RANBP2: variants seen among roughly 807,000 people sequenced by gnomAD.
The protein encoded by RANBP2 is RAN binding protein 2, also known as E3 SUMO-protein ligase RanBP2.
A neutral mutation model predicts 303.6 loss-of-function variants in RANBP2; 57 were observed. That is an observed-to-expected ratio of 0.19 (90% CI 0.15 to 0.23). RANBP2 has a LOEUF of 0.23. Ranked by LOEUF, RANBP2 falls within the 10% of genes least tolerant of loss-of-function variation. The pLI is 1.00. For synonymous variants in RANBP2, 1,167 were observed against 1,301.5 expected (o/e 0.90, Z 2.23); for missense variants, 3,138 against 3,780.8 (o/e 0.83, Z 4.46).
At chr2:108,922,041 T>C in the RANBP2 span, among the ~76,000 whole-genome samples, 1 of 152,230 alleles carries the variant, frequency 6.6e-6, no homozygotes, top group East Asian at 1.9e-4. Context: ...CCACATGTGA[T>C]AGACCTCATT....
the RANBP2 span, among the ~76,000 whole-genome samples, chr2:109,099,547 C>T: frequency 6.6e-6 from 1 of 152,078 alleles, no homozygotes; most frequent in African/African-American, 2.4e-5. Context: ...CTGTCCTGGC[C>T]CAGAACTCAG....
chr2:109,215,433 T>TA, the RANBP2 span, among the ~76,000 whole-genome samples: 45,145 of 152,028 alleles, frequency 0.3, 7,656 homozygotes, highest in South Asian at 0.39. Context: ...ATACTCAAGC[T>TA]AGCTGACCCC....
At chr2:108,762,507 A>G (rs1386934861) in intron 19 of RANBP2, among the ~76,000 whole-genome samples, 5 of 81,002 alleles carry the variant, frequency 6.2e-5, no homozygotes, top group Non-Finnish European at 9.7e-5. Context: ...TTCAGGCCTG[A>G]TACAGCTATA....
the RANBP2 span, chr2:108,929,082 C>A: frequency 8.3e-7 from 1 of 1,211,892 alleles, no homozygotes; most frequent in Non-Finnish European, 1.2e-6. Context: ...GCCAGGTGTG[C>A]GGCTGCACCG....
the RANBP2 span, among the ~76,000 whole-genome samples, chr2:109,537,964 T>A: frequency 6.6e-6 from 1 of 150,778 alleles, no homozygotes; most frequent in African/African-American, 2.4e-5. Flanking sequence ...CACACACACA[T>A]ACACACACAC....
chr2:108,731,309 T>A lies in RANBP2; in HGVS notation c.253-13T>A. The A allele has an allele frequency of 6.2e-7, 1 of 1,610,270 alleles. No homozygotes were observed. Among genetic ancestry groups the A allele is most frequent in the Non-Finnish European group, 8.5e-7 (1 of 1,178,966 alleles). On this transcript the variant is annotated splice_polypyrimidine_tract_variant and intron_variant, in intron 3 of 28. Transcript: ENST00000283195. ...ATTTATTTACTAATCTTTAATTTCT[T>A]TTCTGATATTAGCGTTCAGTGGAAT...
chr2:109,066,587 C>A, the RANBP2 span, among the ~76,000 whole-genome samples: 1 of 152,204 alleles, frequency 6.6e-6, no homozygotes, highest in Non-Finnish European at 1.5e-5. Flanking sequence ...GTGTCCGCTG[C>A]CCACAGGTCA....
At chr2:109,261,397 C>G in the RANBP2 span, among the ~76,000 whole-genome samples, 2 of 152,218 alleles carry the variant, frequency 1.3e-5, no homozygotes, top group Non-Finnish European at 2.9e-5. Flanking sequence ...ATTGTAATTA[C>G]AGCAGAGCAG....
chr2:109,610,752 A>G, the RANBP2 span, among the ~76,000 whole-genome samples: 7 of 152,178 alleles, frequency 4.6e-5, no homozygotes, highest in Non-Finnish European at 7.4e-5. Flanking sequence ...AATACTATGT[A>G]CATGAGTTAG....
chr2:109,278,219 T>C, the RANBP2 span, among the ~76,000 whole-genome samples: 1 of 152,046 alleles, frequency 6.6e-6, no homozygotes, highest in Non-Finnish European at 1.5e-5. Context: ...AGGACTATTT[T>C]CTCTGCACTC....
the RANBP2 span, among the ~76,000 whole-genome samples, chr2:109,489,554 C>T: frequency 3.9e-5 from 6 of 152,192 alleles, no homozygotes; most frequent in Admixed American, 2.6e-4. Context: ...CAGACAATGA[C>T]GTTGCCAGGC....
At chr2:109,644,314 A>C in the RANBP2 span, among the ~76,000 whole-genome samples, 3 of 152,186 alleles carry the variant, frequency 2.0e-5, no homozygotes, top group African/African-American at 4.8e-5. Flanking sequence ...TCAAAAAAAA[A>C]ATCAGACTCC....
the RANBP2 span, among the ~76,000 whole-genome samples, chr2:109,149,202 T>C: frequency 6.6e-6 from 1 of 152,116 alleles, no homozygotes; most frequent in Non-Finnish European, 1.5e-5. Flanking sequence ...CTGCTGTCCT[T>C]GGTCCACACC....
At chr2:109,077,652 AATAG>A in the RANBP2 span, among the ~76,000 whole-genome samples, 2 of 150,616 alleles carry the variant, frequency 1.3e-5, 1 homozygote, top group Non-Finnish European at 3.0e-5. Flanking sequence ...AAAGGACTTG[AATAG>A]ATAGTTTTCG....
the RANBP2 span, among the ~76,000 whole-genome samples, chr2:109,711,178 C>T: frequency 6.6e-6 from 1 of 152,192 alleles, no homozygotes; most frequent in East Asian, 1.9e-4. Context: ...ACTTCAGCCG[C>T]CCCGGCAAGT....
the RANBP2 span, among the ~76,000 whole-genome samples, chr2:109,481,456 G>T: frequency 6.6e-6 from 1 of 152,208 alleles, no homozygotes; most frequent in Non-Finnish European, 1.5e-5. Context: ...TATGTTCTCG[G>T]TGACTGGTCA....
At chr2:109,363,635 C>T in the RANBP2 span, among the ~76,000 whole-genome samples, 2 of 152,134 alleles carry the variant, frequency 1.3e-5, no homozygotes, top group East Asian at 3.8e-4. Flanking sequence ...AAAAACAGTT[C>T]TTGCAAGGCA....
chr2:109,230,314 G>A, the RANBP2 span, among the ~76,000 whole-genome samples: 1 of 152,184 alleles, frequency 6.6e-6, no homozygotes, highest in Admixed American at 6.5e-5. Flanking sequence ...AGTGCCTCAC[G>A]CCTGTAAACC....
At chr2:109,191,458 G>A in the RANBP2 span, among the ~76,000 whole-genome samples, 20 of 152,258 alleles carry the variant, frequency 1.3e-4, no homozygotes, top group African/African-American at 4.3e-4. Context: ...GTTTGGGTGC[G>A]GCCAGGCTGT....
Sources: allele counts gnomAD v4.1 joint callset (sites outside exome capture counted in the v4.1 genomes callset), GRCh38; gene constraint gnomAD v4.1.1; transcripts MANE v1.5; gene names NCBI Gene and HGNC (gene_info 2026-07-23, HGNC 2026-07-21).